RETREG3: variants seen among roughly 807,000 people sequenced by gnomAD.
RETREG3 encodes reticulophagy regulator 3.
RETREG3 carries 23 observed loss-of-function variants against 50.2 expected under a neutral mutation model. The ratio of observed to expected loss-of-function variants is 0.46; its 90% CI spans 0.33 to 0.65. The LOEUF (loss-of-function observed/expected upper bound fraction) is 0.65, where lower values mean the gene tolerates loss of function less well. RETREG3 is among the 30% of genes least tolerant of loss of function. RETREG3 has a pLI of 0.02. For synonymous variants in RETREG3, 240 were observed against 234.4 expected, an observed-to-expected ratio of 1.02 and a Z score of -0.22; for missense variants, 546 against 598.0, an observed-to-expected ratio of 0.91 and a Z score of 0.91.
At chr17:42,599,926 T>C (rs1485589583) in intron 1 of RETREG3, among the ~76,000 whole-genome samples, 2 of 150,200 alleles carry the variant, frequency 1.3e-5, no homozygotes, top group Non-Finnish European at 3.0e-5. Flanking sequence ...TCCGGGAAAC[T>C]GAGGTTGCAG....
intron 7 of RETREG3, among the ~76,000 whole-genome samples, chr17:42,583,255 A>G (rs1376652855): frequency 1.3e-5 from 2 of 152,222 alleles, no homozygotes; most frequent in African/African-American, 4.8e-5. Flanking sequence ...TGGTAGGGTA[A>G]AAAGAGATAC....
intron 1 of RETREG3, among the ~76,000 whole-genome samples, chr17:42,598,017 T>C (rs1231888040): frequency 7.0e-6 from 1 of 142,576 alleles, no homozygotes; most frequent in Non-Finnish European, 1.5e-5. Flanking sequence ...AGTCTCGCTC[T>C]GTTGCCCAGG....
chr17:42,585,557 A>G (rs1467305292), intron 5 of RETREG3, among the ~76,000 whole-genome samples: 1 of 152,226 alleles, frequency 6.6e-6, no homozygotes, highest in Non-Finnish European at 1.5e-5. Context: ...TGGAAATTAC[A>G]CAACAAATCA....
At position 42,595,959 on chromosome 17, in the gene RETREG3, G is replaced by T. The variant is rs1388445906; in HGVS notation, c.240-3797C>A. ...TGTGAGCCTACAGTAGGTAGAAGGA[G>T]TAACAGGCTATCACAGTCCCCAAAC... is the stretch of plus-strand genomic sequence containing the variant. On this transcript the variant is annotated intron_variant, in intron 1 of 8. Coordinates refer to ENST00000309428, the MANE Select transcript of RETREG3 (RefSeq NM_178126.4). 2.0e-5 allele frequency among the ~76,000 whole-genome samples: 3 copies of T among 152,004 alleles called. No homozygotes were observed. The East Asian group carries it at 5.8e-4, about 29-fold the overall frequency.
chr17:42,585,966 C>T, intron 5 of RETREG3, 87 bp downstream of exon 5: 6 of 1,204,332 alleles, frequency 5.0e-6, no homozygotes, highest in South Asian at 2.5e-5. Flanking sequence ...TGAAATATAA[C>T]AGTCCTCTCC....
intron 1 of RETREG3, among the ~76,000 whole-genome samples, chr17:42,604,011 GA>G (rs967772093): frequency 2.1e-5 from 2 of 97,336 alleles, no homozygotes; most frequent in Non-Finnish European, 4.3e-5. Context: ...CAGATGTGTA[GA>G]TTTTTTTTAA....
At position 42,606,433 on chromosome 17, in the gene RETREG3, T is replaced by TA. The variant is rs575937005; in HGVS notation, c.239+2652dup. Reference sequence around the variant, plus strand: ...TAACACGGTGAAATCCCGTCTCTACTAAAAAAAAATACAAAAAATTAGCCG... The same window carrying TA: ...TAACACGGTGAAATCCCGTCTCTACTAAAAAAAAAATACAAAAAATTAGCCG... On this transcript the variant is annotated intron_variant, in intron 1 of 8. Transcript: ENST00000309428. 9.6e-3 allele frequency among the ~76,000 whole-genome samples: 1,431 copies of TA among 148,966 alleles called. 36 individuals are homozygous for TA. Among genetic ancestry groups the TA allele is most frequent in the African/African-American group, 0.033 (1,342 of 40,486 alleles).
chr17:42,588,999 G>C (rs1375222406), intron 2 of RETREG3, among the ~76,000 whole-genome samples: 1 of 151,854 alleles, frequency 6.6e-6, no homozygotes, highest in African/African-American at 2.4e-5. Context: ...TAGGTGTAGT[G>C]ATGCTCACTT....
rs1473542781 is a variant in RETREG3 at position 42,585,181 on chromosome 17, T to G, written c.671A>C (p.Gln224Pro). ...GCCACGGACACTGAAGTCTAGCCGC[T>G]GCAGAGCTGGCTTCAGCCGCACATA... is the stretch of plus-strand genomic sequence containing the variant. ...RAYVRLKPAL[Q>P]RLDFSVRGYM... Residue 224 changes from glutamine to proline, a missense_variant, in exon 6 of 9, where the codon CAG becomes CCG. Coordinates refer to ENST00000309428, the MANE Select transcript of RETREG3 (RefSeq NM_178126.4). 1 of 1,613,942 alleles carries G rather than the reference T, an allele frequency of 6.2e-7. No individual in the cohort carries two copies. Among genetic ancestry groups the G allele is most frequent in the Non-Finnish European group, 8.5e-7 (1 of 1,180,046 alleles).
In RETREG3 at chr17:42,592,062, T is replaced by C. The variant is rs1320504927; in HGVS notation, c.340A>G (p.Ile114Val). Reference sequence around the variant, plus strand: ...TAAATGCTACCAAACTCACCTTTTATTTCAGGCCAGATTTTGTTCTTCCAT... The same window carrying C: ...TAAATGCTACCAAACTCACCTTTTACTTCAGGCCAGATTTTGTTCTTCCAT... The part of the protein sequence containing the change: ...DQWKNKIWPE[I>V]KVPRPDALDN... Residue 114 changes from isoleucine to valine, a missense_variant, in exon 2 of 9, where the codon ATA (isoleucine) becomes GTA (valine). Ile to Val is a conservative substitution (Grantham distance 29). Coordinates refer to ENST00000309428, the MANE Select transcript of RETREG3 (RefSeq NM_178126.4). 1.2e-6 allele frequency: 2 copies of C among 1,612,156 alleles called. No individual in the cohort carries two copies. The highest frequency in any genetic ancestry group is 1.7e-6 in the Non-Finnish European group (2 of 1,179,280).
chr17:42,601,628 C>T (rs1597742231), intron 1 of RETREG3, among the ~76,000 whole-genome samples: 1 of 79,812 alleles, frequency 1.3e-5, no homozygotes, highest in Non-Finnish European at 2.2e-5. Context: ...AAGGTTCCAA[C>T]TTTTTTTTTT....
chr17:42,602,407 GA>G (rs1393997706), intron 1 of RETREG3, among the ~76,000 whole-genome samples: 5 of 150,940 alleles, frequency 3.3e-5, no homozygotes, highest in Admixed American at 1.3e-4. Flanking sequence ...CAGCAGAGAT[GA>G]AAAAAAAATC....
intron 2 of RETREG3, among the ~76,000 whole-genome samples, chr17:42,589,250 G>A (rs1429323584): frequency 6.6e-6 from 1 of 152,100 alleles, no homozygotes; most frequent in Non-Finnish European, 1.5e-5. Flanking sequence ...TTTAAAACCT[G>A]TATACTCTGG....
At chr17:42,589,053 A>G (rs1176998803) in intron 2 of RETREG3, among the ~76,000 whole-genome samples, 3 of 150,440 alleles carry the variant, frequency 2.0e-5, no homozygotes, top group Admixed American at 1.3e-4. Flanking sequence ...GGATCACTTG[A>G]GCCCAGGAGT....
intron 6 of RETREG3, 113 bp downstream of exon 6, chr17:42,585,012 A>T: frequency 4.7e-6 from 6 of 1,267,798 alleles, no homozygotes; most frequent in Non-Finnish European, 6.6e-6. Flanking sequence ...CCTCACCCCC[A>T]CCAACTACCC....
intron 1 of RETREG3, among the ~76,000 whole-genome samples, chr17:42,606,389 A>G (rs1224616937): frequency 3.3e-5 from 5 of 151,002 alleles, no homozygotes; most frequent in Non-Finnish European, 7.4e-5. Context: ...CGAGGTCAGG[A>G]GATTGAGACC....
intron 1 of RETREG3, among the ~76,000 whole-genome samples, chr17:42,595,240 T>C (rs2093141753): frequency 1.3e-5 from 2 of 152,080 alleles, no homozygotes; most frequent in East Asian, 3.9e-4. Flanking sequence ...GTGCTGGGAT[T>C]ACAGGCATGA....
At chr17:42,593,429 C>G (rs1423574869) in intron 1 of RETREG3, among the ~76,000 whole-genome samples, 1 of 151,314 alleles carries the variant, frequency 6.6e-6, no homozygotes, top group Non-Finnish European at 1.5e-5. Context: ...GCGGGCAGAT[C>G]TTGAGGTCAG....
intron 5 of RETREG3, among the ~76,000 whole-genome samples, chr17:42,585,733 A>G (rs189851519): frequency 6.6e-6 from 1 of 152,296 alleles, no homozygotes; most frequent in Admixed American, 6.5e-5. Flanking sequence ...AACCCCTAAG[A>G]GTTATGTTCT....
Sources: gnomAD v4.1 joint callset for allele counts (sites outside exome capture counted in the v4.1 genomes callset) on GRCh38, gnomAD v4.1.1 for gene constraint, MANE v1.5 for transcripts, NCBI Gene and HGNC (gene_info 2026-07-23, HGNC 2026-07-21) for gene names.